The following RPS6KL1 variants were observed in gnomAD, a reference collection of about 807,000 sequenced individuals.
RPS6KL1 encodes ribosomal protein S6 kinase-like 1.
RPS6KL1 carries 41 observed loss-of-function variants against 57.0 expected under a neutral mutation model. The observed-to-expected ratio is 0.72, with a 90% confidence interval of 0.56 to 0.93. RPS6KL1 has a LOEUF of 0.93. Ranked by LOEUF, RPS6KL1 falls within the 40% of genes least tolerant of loss-of-function variation. RPS6KL1 has a pLI of 0.00. For synonymous variants in RPS6KL1, 287 were observed against 309.7 expected, an observed-to-expected ratio of 0.93 and a Z score of 0.77; for missense variants, 697 against 727.7, an observed-to-expected ratio of 0.96 and a Z score of 0.49.
intron 10 of RPS6KL1, 34 bp from the exon 11 acceptor site, chr14:74,907,564 C>A: frequency 6.5e-7 from 1 of 1,544,752 alleles, no homozygotes; most frequent in East Asian, 2.4e-5. Context: ...TCTGAGGAGG[C>A]AACCCCAGGA....
At position 74,910,008 on chromosome 14, in the gene RPS6KL1, G is replaced by T. The variant is rs369954591; in HGVS notation, c.805C>A (p.His269Asn). Residue 269 changes from histidine to asparagine, a missense_variant, in exon 8 of 12, where the codon CAT becomes AAT. Transcript: ENST00000557413. ...GCGATTCTGTCCTGGCCAGGGGCAT[G>T]GCCTGAGGGAAGCCTCGCTGGGGTC... ...LLTPARLPSG[H>N]APGQDRIALE... The T allele has an allele frequency of 2.2e-5, 35 of 1,613,926 alleles. No homozygotes were observed. The highest frequency in any genetic ancestry group is 2.8e-5 in the Non-Finnish European group (33 of 1,179,974).
At chr14:74,915,270 G>C (rs568405447) in intron 5 of RPS6KL1, among the ~76,000 whole-genome samples, 1 of 152,260 alleles carries the variant, frequency 6.6e-6, no homozygotes, top group South Asian at 2.1e-4. Flanking sequence ...CACCCTATAA[G>C]GCTTCGTTCC....
In RPS6KL1 at chr14:74,906,212, C is replaced by T. The variant is rs1594893456; in HGVS notation, c.*802G>A. The T allele has an allele frequency of 7.2e-6, 2 of 279,090 alleles. No individual in the cohort carries two copies. The highest frequency in any genetic ancestry group is 1.7e-4 in the East Asian group (2 of 11,628). 17.3% of individuals were successfully genotyped at this position (279,090 alleles called of 1,614,324 possible). A position where few individuals can be genotyped will look rare whatever the true frequency, so the allele number is the denominator to read the frequency against. On this transcript the variant is annotated 3_prime_UTR_variant, in exon 12 of 12. Coordinates refer to ENST00000557413, the MANE Select transcript of RPS6KL1 (RefSeq NM_031464.5). ...TGGAAGCTGAATTGCTGTCCTCTTG[C>T]ACCCCTGGGGCAGGCTGCCCCTCTT...
In RPS6KL1 at chr14:74,921,320, G is replaced by T; in HGVS notation, c.222C>A (p.Asn74Lys). 3 of 1,614,240 alleles carry T rather than the reference G, an allele frequency of 1.9e-6. No homozygotes were observed. The highest frequency in any genetic ancestry group is 1.7e-6 in the Non-Finnish European group (2 of 1,180,040). The change falls in exon 3 of 12, where the codon AAC becomes AAA. Residue 74 changes from asparagine (N) to lysine (K), a missense_variant. By Grantham distance (94) the Asn-to-Lys change is moderately conservative. Coordinates refer to ENST00000557413, the MANE Select transcript of RPS6KL1 (RefSeq NM_031464.5). ...GCACGTCCACGCCATTCTGATAGTG[G>T]TTGAAGGCCGCCTCATAGTCCTCAC... ...DVSEDYEAAF[N>K]HYQNGVDVLL...
intron 5 of RPS6KL1, among the ~76,000 whole-genome samples, chr14:74,918,093 A>ATATTT (rs60519410): frequency 0.5 from 75,252 of 149,548 alleles, 19,340 homozygotes; most frequent in South Asian, 0.61. Flanking sequence ...TCTTCTTTTT[A>ATATTT]TATTTTATTT....
chr14:74,917,667 G>A (rs1203332917), intron 5 of RPS6KL1, among the ~76,000 whole-genome samples: 2 of 152,080 alleles, frequency 1.3e-5, no homozygotes, highest in African/African-American at 2.4e-5. Flanking sequence ...GGGTTGGGAC[G>A]TCGCCTCCTA....
rs1231573197 is a variant in RPS6KL1 at position 74,908,773 on chromosome 14, G to A, written c.1443+77C>T. Reference sequence around the variant, plus strand: ...CAGCCAGGCAGTCTCTGCCCAGACTGGCTGGATGGACTAAGCCTGGCCCAT... The same window carrying A: ...CAGCCAGGCAGTCTCTGCCCAGACTAGCTGGATGGACTAAGCCTGGCCCAT... On this transcript the variant is annotated intron_variant, in intron 10 of 11. Transcript: ENST00000557413. 10 of 1,315,040 alleles carry A rather than the reference G, an allele frequency of 7.6e-6. No individual in the cohort carries two copies. In the East Asian group the frequency reaches 2.1e-4, roughly 27 times the overall value. 81.5% of individuals were successfully genotyped at this position (1,315,040 alleles called of 1,614,324 possible).
Position 74,909,171 on chromosome 14 carries a change from A to G in RPS6KL1, c.1290T>C (p.Tyr430=). Residue 430 remains tyrosine, a synonymous_variant, in exon 9 of 12, where the codon TAT becomes TAC. Coordinates refer to ENST00000557413, the MANE Select transcript of RPS6KL1 (RefSeq NM_031464.5). ...LDQAGHIRLT[Y]FGQWSEVEPQ... ...GCTCCACCTCTGACCACTGGCCAAAATATGTGAGCCGGATGTGACCTCCAG... is the reference window on the plus strand; with the variant it reads ...GCTCCACCTCTGACCACTGGCCAAAGTATGTGAGCCGGATGTGACCTCCAG... The G allele has an allele frequency of 6.2e-7, 1 of 1,614,142 alleles. No homozygotes were observed. Among genetic ancestry groups the G allele is most frequent in the Admixed American group, 1.7e-5 (1 of 60,024 alleles).
Position 74,905,751 on chromosome 14 carries a change from G to A in RPS6KL1, c.*1263C>T, listed in dbSNP as rs1022835832. 13 of 152,288 alleles carry A rather than the reference G, an allele frequency of 8.5e-5. No homozygotes were observed. The highest frequency in any genetic ancestry group is 3.9e-4 in the Admixed American group (6 of 15,274). The allele number at this position is 152,288 out of a possible 1,614,324, so 9.4% of individuals were successfully genotyped here. ...GCTTTCACTTGTCTTCTCTGTCTCAGTCTCCTGAAGAGCCCGAGGAAGTCA... is the reference window on the plus strand; with the variant it reads ...GCTTTCACTTGTCTTCTCTGTCTCAATCTCCTGAAGAGCCCGAGGAAGTCA... On this transcript the variant is annotated 3_prime_UTR_variant, in exon 12 of 12. Transcript: ENST00000557413.
intron 3 of RPS6KL1, 36 bp downstream of exon 3, chr14:74,921,241 C>T (rs1273612033): frequency 2.4e-6 from 2 of 816,862 alleles, no homozygotes; most frequent in African/African-American, 3.3e-5. Context: ...TGGCCCTTCC[C>T]CACCCACCCC....
intron 5 of RPS6KL1, among the ~76,000 whole-genome samples, chr14:74,918,026 C>G (rs1316152972): frequency 6.6e-6 from 1 of 152,210 alleles, no homozygotes; most frequent in Non-Finnish European, 1.5e-5. Flanking sequence ...CCCAACTCTC[C>G]CAAGGAGCAG....
In RPS6KL1 at chr14:74,922,180, C is replaced by T; in HGVS notation, c.-223G>A. The T allele has an allele frequency of 2.0e-6, 2 of 987,282 alleles. No homozygotes were observed. The highest frequency in any genetic ancestry group is 2.4e-6 in the Non-Finnish European group (2 of 831,082). 61.2% of individuals were successfully genotyped at this position (987,282 alleles called of 1,614,324 possible). On this transcript the variant is annotated 5_prime_UTR_variant, in exon 2 of 12. Coordinates refer to ENST00000557413, the MANE Select transcript of RPS6KL1 (RefSeq NM_031464.5). ...GAGAGAGCTGAGGATATCTGTGATC[C>T]ACAGCCACCTTCACAGGGCCTCCGT...
Position 74,907,065 on chromosome 14 carries a change from G to C in RPS6KL1, c.1599C>G (p.Leu533=). ...TGGTACTGAAAAAGGGATGGGACTTGAGTTTGCTGACACCACCTTCTCCCA... is the reference window on the plus strand; with the variant it reads ...TGGTACTGAAAAAGGGATGGGACTTCAGTTTGCTGACACCACCTTCTCCCA... ...LGMGEGGVSK[L]KSHPFFSTIQ... The change falls in exon 12 of 12, where the codon CTC becomes CTG. Residue 533 remains leucine, a synonymous_variant. Transcript: ENST00000557413. The C allele has an allele frequency of 6.2e-7, 1 of 1,613,892 alleles. No individual in the cohort carries two copies. The highest frequency in any genetic ancestry group is 8.5e-7 in the Non-Finnish European group (1 of 1,179,922).
intron 8 of RPS6KL1, 163 bp downstream of exon 8, chr14:74,909,380 C>A: frequency 9.4e-7 from 1 of 1,064,944 alleles, no homozygotes. Flanking sequence ...CAGGGTACTC[C>A]CAGGAGCCTC....
Position 74,921,262 on chromosome 14 carries a change from A to G in RPS6KL1, c.265+15T>C. ...TTCCCCACCCACCCCAGCCCTGCCC[A>G]GCCCCGGTCCTCACCGTGTATGCCA... On this transcript the variant is annotated intron_variant, in intron 3 of 11. Coordinates refer to ENST00000557413, the MANE Select transcript of RPS6KL1 (RefSeq NM_031464.5). 1.4e-5 allele frequency: 8 copies of G among 554,838 alleles called. No homozygotes were observed. Among genetic ancestry groups the G allele is most frequent in the Non-Finnish European group, 2.5e-5 (8 of 325,234 alleles). The allele number at this position is 554,838 out of a possible 1,614,324, so 34.4% of individuals were successfully genotyped here. A position where few individuals can be genotyped will look rare whatever the true frequency, so the allele number is the denominator to read the frequency against.
intron 5 of RPS6KL1, among the ~76,000 whole-genome samples, chr14:74,916,243 G>A (rs1315819151): frequency 1.3e-5 from 2 of 152,200 alleles, no homozygotes; most frequent in Non-Finnish European, 1.5e-5. Flanking sequence ...CCAGGCCCAG[G>A]GGCAGTAACA....
At chr14:74,911,757 G>C in intron 6 of RPS6KL1, 37 bp downstream of exon 6, 1 of 1,546,022 alleles carries the variant, frequency 6.5e-7, no homozygotes, top group African/African-American at 1.4e-5. Flanking sequence ...AAAGATCCAA[G>C]GGGAATGCAG....
Position 74,920,036 on chromosome 14 carries a change from T to C in RPS6KL1, c.266-67A>G. 3 of 1,590,056 alleles carry C rather than the reference T, an allele frequency of 1.9e-6. No homozygotes were observed. The Admixed American group carries it at 5.0e-5, about 27-fold the overall frequency. On this transcript the variant is annotated intron_variant, in intron 3 of 11. Coordinates refer to ENST00000557413, the MANE Select transcript of RPS6KL1 (RefSeq NM_031464.5). The stretch of plus-strand genomic sequence containing the variant: ...CGGAGGGCTGGAGTTCCAGCTCCCA[T>C]TGCCTGCCCTCTACCCTCCCAAGGA...
chr14:74,922,070 C>T lies in RPS6KL1; in HGVS notation c.-113G>A, dbSNP rs1011544510. ...CTGGGATTATAGACGTGAGCCACCG[C>T]GCAGGCCTGGGGCTCTGTTTTCCTT... On this transcript the variant is annotated 5_prime_UTR_variant, in exon 2 of 12. Transcript: ENST00000557413. 2.2e-5 allele frequency: 12 copies of T among 544,880 alleles called. No homozygotes were observed. The highest frequency in any genetic ancestry group is 4.1e-5 in the African/African-American group (2 of 48,476). 33.8% of individuals were successfully genotyped at this position (544,880 alleles called of 1,614,324 possible). A position where few individuals can be genotyped will look rare whatever the true frequency, so the allele number is the denominator to read the frequency against.
Sources: allele counts gnomAD v4.1 joint callset (sites outside exome capture counted in the v4.1 genomes callset), GRCh38; gene constraint gnomAD v4.1.1; transcripts MANE v1.5; gene names NCBI Gene and HGNC (gene_info 2026-07-23, HGNC 2026-07-21).